The following PDE4D variants were observed in gnomAD, a reference collection of about 807,000 sequenced individuals.
PDE4D encodes the protein 3',5'-cyclic-AMP phosphodiesterase 4D.
Under a neutral mutation model 87.4 loss-of-function variants are expected in PDE4D, and 24 were observed. That is an observed-to-expected ratio of 0.27 (90% CI 0.20 to 0.39). PDE4D has a LOEUF of 0.39. Among genes scored for constraint, PDE4D ranks in the 10% least tolerant of loss-of-function variants. The pLI is 1.00. For missense variants in PDE4D, 714 were observed against 1,041.0 expected, an observed-to-expected ratio of 0.69 and a Z score of 4.32; for synonymous variants, 384 against 383.2, an observed-to-expected ratio of 1.00 and a Z score of -0.02.
At chr5:59,265,581 CT>C (rs1331339606) in intron 1 of PDE4D, among the ~76,000 whole-genome samples, 1 of 152,080 alleles carries the variant, frequency 6.6e-6, no homozygotes, top group Non-Finnish European at 1.5e-5. Context: ...CTAACAGTTC[CT>C]GGTCACTCAC....
chr5:58,975,582 A>G lies in PDE4D; in HGVS notation c.2013+75T>C. ...TTTAAAAATCCAGTAAAATACTATC[A>G]TATGTAATACAAAGTAACCAAATGC... On this transcript the variant is annotated intron_variant, in intron 14 of 14. Coordinates refer to ENST00000340635, the MANE Select transcript of PDE4D (RefSeq NM_001104631.2). This position sits in a 1 kb window ranked among gnomAD's most constrained non-coding sequence, Gnocchi z 4.2. 3.5e-6 allele frequency: 4 copies of G among 1,150,080 alleles called. No homozygotes were observed. The highest frequency in any genetic ancestry group is 4.7e-6 in the Non-Finnish European group (4 of 849,166). The allele number at this position is 1,150,080 out of a possible 1,614,324, so 71.2% of individuals were successfully genotyped here.
At chr5:59,604,885 T>G (rs1827983681) in intron 1 of PDE4D, among the ~76,000 whole-genome samples, 1 of 152,042 alleles carries the variant, frequency 6.6e-6, no homozygotes, top group South Asian at 2.1e-4. Flanking sequence ...TACATACCAT[T>G]TCAGAACAAT....
chr5:59,003,460 A>T (rs1750943131), intron 6 of PDE4D, among the ~76,000 whole-genome samples: 2 of 152,176 alleles, frequency 1.3e-5, no homozygotes, highest in Admixed American at 6.5e-5. Flanking sequence ...GTCAGATTTA[A>T]ATCATTCAAA....
At position 59,771,477 on chromosome 5, in the gene PDE4D, GAAAGAA is replaced by G. The variant is rs746641898; in HGVS notation, c.455+121685_455+121690del. 4.2e-3 allele frequency among the ~76,000 whole-genome samples: 420 copies of G among 100,780 alleles called. 2 individuals carry two copies. Among genetic ancestry groups the G allele is most frequent in the African/African-American group, 8.3e-3 (208 of 25,102 alleles). The allele number at this position is 100,780 out of a possible 152,430, so 66.1% of individuals were successfully genotyped here. On this transcript the variant is annotated intron_variant, in intron 1 of 14. Transcript: ENST00000340635. ...AGAAAGAAAGAAAGAAAGAAAGAAA[GAAAGAA>G]AGAGAGAGAGAGAGAGAAGAAAGAA...
At chr5:60,413,787 G>T (rs16878035) in intron 1 of PDE4D, among the ~76,000 whole-genome samples, 8,594 of 149,304 alleles carry the variant, frequency 0.058, 330 homozygotes, top group East Asian at 0.15. Context: ...ACATTGGGTT[G>T]TTTCAGCCCT....
intron 1 of PDE4D, among the ~76,000 whole-genome samples, chr5:59,652,714 T>A (rs1451293464): frequency 6.6e-6 from 1 of 152,132 alleles, no homozygotes; most frequent in Non-Finnish European, 1.5e-5. Flanking sequence ...TAAAACCTTG[T>A]CTCCTCAACC....
At chr5:59,747,564 G>A (rs182795549) in intron 1 of PDE4D, among the ~76,000 whole-genome samples, 7 of 152,300 alleles carry the variant, frequency 4.6e-5, no homozygotes, top group Admixed American at 2.6e-4. Context: ...TCCTCCCAGA[G>A]ATGATGGATC....
chr5:59,564,805 C>T (rs974157144), intron 1 of PDE4D, among the ~76,000 whole-genome samples: 1 of 152,114 alleles, frequency 6.6e-6, no homozygotes, highest in Non-Finnish European at 1.5e-5. Flanking sequence ...ATGCACAATG[C>T]TACTTGAGGA....
intron 1 of PDE4D, among the ~76,000 whole-genome samples, chr5:59,557,508 G>A (rs1819158158): frequency 6.6e-6 from 1 of 151,836 alleles, no homozygotes; most frequent in Non-Finnish European, 1.5e-5. Flanking sequence ...ATTGTGGCCA[G>A]GTTTTTTTTT....
intron 2 of PDE4D, among the ~76,000 whole-genome samples, chr5:60,098,106 G>A (rs1562089709): frequency 6.6e-6 from 1 of 151,980 alleles, no homozygotes; most frequent in East Asian, 1.9e-4. Context: ...AGTGATTTAA[G>A]ATTGACTTCC....
intron 1 of PDE4D, among the ~76,000 whole-genome samples, chr5:59,305,838 A>T (rs759194040): frequency 6.6e-6 from 1 of 152,132 alleles, no homozygotes; most frequent in African/African-American, 2.4e-5. Flanking sequence ...TATCTTGGAG[A>T]AAGTTCCATG....
Position 59,786,166 on chromosome 5 carries a change from C to T in PDE4D, c.455+107002G>A, listed in dbSNP as rs1049912705. ...CATACATGTGTCTGGAAAGTTCCAT[C>T]GATCAGCTCTTTCTGCAGCACTCCA... On this transcript the variant is annotated intron_variant, in intron 1 of 14. Transcript: ENST00000340635. Among the ~76,000 whole-genome samples the T allele has an allele frequency of 1.7e-4, 26 of 152,178 alleles. 1 individual carries two copies. Among genetic ancestry groups the T allele is most frequent in the Admixed American group, 1.6e-3 (24 of 15,282 alleles).
intron 1 of PDE4D, among the ~76,000 whole-genome samples, chr5:59,302,207 C>T (rs1173878577): frequency 6.6e-6 from 1 of 152,044 alleles, no homozygotes; most frequent in Non-Finnish European, 1.5e-5. Context: ...AACAGTTCCC[C>T]CAAGAAGGAT....
chr5:59,528,140 T>C (rs1370969489), intron 1 of PDE4D, among the ~76,000 whole-genome samples: 1 of 152,124 alleles, frequency 6.6e-6, no homozygotes, highest in Middle Eastern at 3.2e-3. Flanking sequence ...GGCACTGTGA[T>C]TAAGTGACAT....
chr5:59,891,411 A>G (rs2152754274), intron 1 of PDE4D, among the ~76,000 whole-genome samples: 1 of 152,310 alleles, frequency 6.6e-6, no homozygotes, highest in African/African-American at 2.4e-5. Flanking sequence ...TTCTATTAAT[A>G]GGTCAAATAT....
At chr5:59,393,166 T>C (rs531945136) in intron 1 of PDE4D, among the ~76,000 whole-genome samples, 6 of 151,918 alleles carry the variant, frequency 3.9e-5, no homozygotes, top group Non-Finnish European at 7.4e-5. Flanking sequence ...GACCTACATA[T>C]GGAAAGAAAT....
At chr5:59,090,084 A>G (rs1768411220) in intron 5 of PDE4D, among the ~76,000 whole-genome samples, 1 of 152,174 alleles carries the variant, frequency 6.6e-6, no homozygotes, top group Non-Finnish European at 1.5e-5. Context: ...GTTTAAGAAC[A>G]TTAGCAATTA....
chr5:59,985,194 A>G (rs184025749), intron 3 of PDE4D, among the ~76,000 whole-genome samples: 2 of 139,234 alleles, frequency 1.4e-5, no homozygotes, highest in African/African-American at 5.0e-5. Context: ...GCTGGAGTGC[A>G]GTGGCGTAAT....
intron 1 of PDE4D, among the ~76,000 whole-genome samples, chr5:59,379,815 A>T (rs753410249): frequency 2.6e-5 from 4 of 152,122 alleles, no homozygotes; most frequent in Non-Finnish European, 4.4e-5. Context: ...TACTAAATTA[A>T]GAGGTAGGAT....
Sources: allele counts gnomAD v4.1 joint callset (sites outside exome capture counted in the v4.1 genomes callset), GRCh38; gene constraint gnomAD v4.1.1; non-coding constraint Gnocchi (gnomAD v3.1); transcripts MANE v1.5; gene names NCBI Gene and HGNC (gene_info 2026-07-23, HGNC 2026-07-21).